Variants in ARID1A observed in about 807,000 individuals in gnomAD.
ARID1A encodes the protein AT-rich interaction domain 1A, also known as AT-rich interactive domain-containing protein 1A.
ARID1A carries 20 observed loss-of-function variants against 212.6 expected under a neutral mutation model. That is an observed-to-expected ratio of 0.09 (90% CI 0.07 to 0.14). ARID1A has a LOEUF of 0.14. Among genes scored for constraint, ARID1A ranks in the 10% least tolerant of loss-of-function variants. The pLI is 1.00. For synonymous variants in ARID1A, 1,376 were observed against 1,222.1 expected, an observed-to-expected ratio of 1.13 and a Z score of -2.63; for missense variants, 2,587 against 3,059.0, an observed-to-expected ratio of 0.85 and a Z score of 3.64.
At chr1:26,718,214 A>T (rs1570563302) in intron 1 of ARID1A, among the ~76,000 whole-genome samples, 1 of 152,284 alleles carries the variant, frequency 6.6e-6, no homozygotes, top group African/African-American at 2.4e-5. Context: ...ACCTCAGGTG[A>T]TCCACCTGCC....
chr1:26,696,715 C>G lies in ARID1A; in HGVS notation c.312C>G (p.Asn104Lys). The G allele has an allele frequency of 7.3e-7, 1 of 1,369,796 alleles. No individual in the cohort carries two copies. Among genetic ancestry groups the G allele is most frequent in the Non-Finnish European group, 9.4e-7 (1 of 1,061,828 alleles). 84.9% of individuals were successfully genotyped at this position (1,369,796 alleles called of 1,614,324 possible). A position where few individuals can be genotyped will look rare whatever the true frequency, so the allele number is the denominator to read the frequency against. Residue 104 changes from asparagine to lysine, a missense_variant, in exon 1 of 20, where the codon AAC becomes AAG. Asn to Lys is a moderately conservative substitution (Grantham distance 94). Transcript: ENST00000324856. ...CGGAGCCGGACCTGAAGAACTCGAA[C>G]GGGAACGCGGGCCCTAGGCCCGCCC... ...PGAEPDLKNS[N>K]GNAGPRPALN...
chr1:26,734,268 A>G (rs973070809), intron 4 of ARID1A, among the ~76,000 whole-genome samples: 2 of 151,798 alleles, frequency 1.3e-5, no homozygotes, highest in African/African-American at 4.8e-5. Flanking sequence ...GATTTCTGTC[A>G]GTGCTGTAAG....
At position 26,696,516 on chromosome 1, in the gene ARID1A, AGGCGGCGGCGGC is replaced by A. The variant is rs587779737; in HGVS notation, c.117_128del (p.Ala42_Ala45del). 1.6e-6 allele frequency: 2 copies of A among 1,224,692 alleles called. No individual in the cohort carries two copies. Among genetic ancestry groups the A allele is most frequent in the African/African-American group, 3.2e-5 (2 of 62,930 alleles). The allele number at this position is 1,224,692 out of a possible 1,614,324, so 75.9% of individuals were successfully genotyped here. On this transcript the variant is annotated inframe_deletion, in exon 1 of 20. Coordinates refer to ENST00000324856, the MANE Select transcript of ARID1A (RefSeq NM_006015.6). ...CAGCAGCGGGAGGAGGCGGGGGGCG[AGGCGGCGGCGGC>A]GGCAGCGGCCGAGCGCGGGGAAATG...
chr1:26,761,765 G>A (rs139298263), intron 6 of ARID1A, among the ~76,000 whole-genome samples: 4 of 152,312 alleles, frequency 2.6e-5, no homozygotes, highest in Admixed American at 6.5e-5. Context: ...TGAAGTTAGA[G>A]TGGGCTTGGC....
chr1:26,737,191 C>A (rs1213509871), intron 4 of ARID1A, among the ~76,000 whole-genome samples: 1 of 152,070 alleles, frequency 6.6e-6, no homozygotes, highest in African/African-American at 2.4e-5. Context: ...TCTCGGCTCA[C>A]TGCAGTCTCC....
rs587779737 is a variant in ARID1A at position 26,696,516 on chromosome 1, A to AGGCGGCGGC, written c.120_128dup (p.Ala43_Ala45dup). ...CAGCAGCGGGAGGAGGCGGGGGGCG[A>AGGCGGCGGC]GGCGGCGGCGGCGGCAGCGGCCGAG... is the stretch of plus-strand genomic sequence containing the variant. On this transcript the variant is annotated inframe_insertion, in exon 1 of 20. Coordinates refer to ENST00000324856, the MANE Select transcript of ARID1A (RefSeq NM_006015.6). 5 of 1,224,588 alleles carry AGGCGGCGGC rather than the reference A, an allele frequency of 4.1e-6. No homozygotes were observed. Among genetic ancestry groups the AGGCGGCGGC allele is most frequent in the South Asian group, 7.7e-5 (2 of 25,842 alleles). The allele number at this position is 1,224,588 out of a possible 1,614,324, so 75.9% of individuals were successfully genotyped here. A position where few individuals can be genotyped will look rare whatever the true frequency, so the allele number is the denominator to read the frequency against.
intron 1 of ARID1A, among the ~76,000 whole-genome samples, chr1:26,705,821 C>T (rs2080386634): frequency 6.6e-6 from 1 of 152,188 alleles, no homozygotes; most frequent in African/African-American, 2.4e-5. Context: ...GTCACTTGTG[C>T]ATAGCTGGAA....
In ARID1A at chr1:26,762,415, A is replaced by C. The variant is rs1242453150; in HGVS notation, c.2419+96A>C. 82 of 1,402,080 alleles carry C rather than the reference A, an allele frequency of 5.8e-5. 1 individual carries two copies. Among genetic ancestry groups the C allele is most frequent in the Non-Finnish European group, 7.6e-5 (79 of 1,043,262 alleles). 86.9% of individuals were successfully genotyped at this position (1,402,080 alleles called of 1,614,324 possible). A position where few individuals can be genotyped will look rare whatever the true frequency, so the allele number is the denominator to read the frequency against. ...CATCTAGCTTGTAACCTTGTGAGAG[A>C]AGGGCTGTCCTTTGCCTTTAATCCA... On this transcript the variant is annotated intron_variant, in intron 7 of 19. Transcript: ENST00000324856.
intron 1 of ARID1A, among the ~76,000 whole-genome samples, chr1:26,721,043 G>GTACT (rs1313806841): frequency 6.6e-6 from 1 of 152,234 alleles, no homozygotes; most frequent in Admixed American, 6.5e-5. Context: ...GACCCCAGAT[G>GTACT]TACTTACTGC....
Sources: allele counts gnomAD v4.1 joint callset (sites outside exome capture counted in the v4.1 genomes callset), GRCh38; gene constraint gnomAD v4.1.1; transcripts MANE v1.5; gene names NCBI Gene and HGNC (gene_info 2026-07-23, HGNC 2026-07-21).